Variants in BMP6 observed in about 807,000 individuals in gnomAD.
BMP6 encodes VG-1-R.
Under a neutral mutation model 54.1 loss-of-function variants are expected in BMP6, and 17 were observed. The ratio of observed to expected loss-of-function variants is 0.31; its 90% CI spans 0.22 to 0.47. The LOEUF (loss-of-function observed/expected upper bound fraction) is 0.47. Among genes scored for constraint, BMP6 ranks in the 20% least tolerant of loss-of-function variants. The pLI, the probability that BMP6 is intolerant of heterozygous loss-of-function variation, is 1.00. For synonymous variants in BMP6, 328 were observed against 291.2 expected, an observed-to-expected ratio of 1.13 and a Z score of -1.28; for missense variants, 720 against 690.4, an observed-to-expected ratio of 1.04 and a Z score of -0.48.
At chr6:7,866,245 A>G (rs1037858103) in intron 4 of BMP6, among the ~76,000 whole-genome samples, 1 of 152,180 alleles carries the variant, frequency 6.6e-6, no homozygotes, top group African/African-American at 2.4e-5. Context: ...TATTGTTTTT[A>G]CACATGTTTG....
At chr6:7,817,337 A>G (rs939153757) in intron 1 of BMP6, among the ~76,000 whole-genome samples, 1 of 152,200 alleles carries the variant, frequency 6.6e-6, no homozygotes, top group Admixed American at 6.5e-5. Context: ...TGATGTGATT[A>G]TATATTAAGG....
rs1759699344 is a variant in BMP6 at position 7,880,475 on chromosome 6, A to G, written c.*132A>G. On this transcript the variant is annotated 3_prime_UTR_variant, in exon 7 of 7. Coordinates refer to ENST00000283147, the MANE Select transcript of BMP6 (RefSeq NM_001718.6). ...AACTATCTCATGCCAGTGCCTTATT[A>G]CCCAGGAAGATTTTAAAGGACCTCA... 1 of 1,248,414 alleles carries G rather than the reference A, an allele frequency of 8.0e-7. No homozygotes were observed. The highest frequency in any genetic ancestry group is 1.1e-6 in the Non-Finnish European group (1 of 894,884). The allele number at this position is 1,248,414 out of a possible 1,614,324, so 77.3% of individuals were successfully genotyped here. A position where few individuals can be genotyped will look rare whatever the true frequency, so the allele number is the denominator to read the frequency against.
Position 7,880,832 on chromosome 6 carries a change from A to T in BMP6, c.*489A>T, listed in dbSNP as rs1268055791. On this transcript the variant is annotated 3_prime_UTR_variant, in exon 7 of 7. Coordinates refer to ENST00000283147, the MANE Select transcript of BMP6 (RefSeq NM_001718.6). The stretch of plus-strand genomic sequence containing the variant: ...GAACGCCTCTGTTCAGTTCATTCCC[A>T]GAAGTCCACAGGACGCACAGCCCAG... The T allele has an allele frequency of 6.0e-6, 1 of 166,132 alleles. No homozygotes were observed. Among genetic ancestry groups the T allele is most frequent in the Non-Finnish European group, 1.3e-5 (1 of 75,310 alleles). The allele number at this position is 166,132 out of a possible 1,614,324, so 10.3% of individuals were successfully genotyped here.
At chr6:7,771,820 A>T (rs270389) in intron 1 of BMP6, among the ~76,000 whole-genome samples, 1 of 151,748 alleles carries the variant, frequency 6.6e-6, no homozygotes, top group Non-Finnish European at 1.5e-5. Context: ...TGGGAGGCCG[A>T]GGCGGGTGGA....
intron 1 of BMP6, among the ~76,000 whole-genome samples, chr6:7,734,917 G>A (rs1196769635): frequency 6.6e-6 from 1 of 152,242 alleles, no homozygotes; most frequent in Non-Finnish European, 1.5e-5. Context: ...GAGCCTTCCT[G>A]ACTTTCAGAT....
intron 1 of BMP6, among the ~76,000 whole-genome samples, chr6:7,822,225 G>A (rs1456163769): frequency 1.3e-5 from 2 of 152,248 alleles, no homozygotes; most frequent in South Asian, 2.1e-4. Context: ...TCACCATGTC[G>A]GTCAGGCTGG....
At chr6:7,875,118 C>CTGAGTACTGGGGAGGGCTGCTGGTA (rs1759588312) in intron 4 of BMP6, among the ~76,000 whole-genome samples, 1 of 152,030 alleles carries the variant, frequency 6.6e-6, no homozygotes, top group Non-Finnish European at 1.5e-5. Context: ...AGTCAAAGCC[C>CTGAGTACTGGGGAGGGCTGCTGGTA]TGAGTACTGG....
chr6:7,879,404 A>G (rs1196588893), intron 5 of BMP6, among the ~76,000 whole-genome samples: 1 of 152,208 alleles, frequency 6.6e-6, no homozygotes, highest in Admixed American at 6.5e-5. Context: ...ATCAATAGCC[A>G]CATTTCCCAA....
chr6:7,822,866 A>ACC (rs1325953277), intron 1 of BMP6, among the ~76,000 whole-genome samples: 1 of 144,902 alleles, frequency 6.9e-6, no homozygotes, highest in African/African-American at 2.6e-5. Context: ...CCTCAGCAGG[A>ACC]CCCCCCATGC....
chr6:7,817,491 G>A (rs1417379847), intron 1 of BMP6, among the ~76,000 whole-genome samples: 7 of 147,458 alleles, frequency 4.7e-5, no homozygotes, highest in South Asian at 2.2e-4. Context: ...ACCAAACACC[G>A]CATGTTCTCA....
chr6:7,809,956 ATT>A (rs1758412230), intron 1 of BMP6, among the ~76,000 whole-genome samples: 1 of 152,214 alleles, frequency 6.6e-6, no homozygotes, highest in Non-Finnish European at 1.5e-5. Flanking sequence ...CCACTTATAT[ATT>A]TATTCACTGA....
chr6:7,822,102 C>T (rs1454585580), intron 1 of BMP6, among the ~76,000 whole-genome samples: 1 of 152,018 alleles, frequency 6.6e-6, no homozygotes, highest in African/African-American at 2.4e-5. Context: ...CTGACTGCAA[C>T]CTCCGCCTCC....
At chr6:7,784,248 A>G (rs775283923) in intron 1 of BMP6, among the ~76,000 whole-genome samples, 4 of 152,058 alleles carry the variant, frequency 2.6e-5, no homozygotes, top group Admixed American at 2.0e-4. Flanking sequence ...TTTACGTTTC[A>G]TCATTAAATT....
intron 1 of BMP6, among the ~76,000 whole-genome samples, chr6:7,758,550 A>AC (rs1258960613): frequency 1.3e-5 from 2 of 152,218 alleles, no homozygotes; most frequent in Non-Finnish European, 2.9e-5. Flanking sequence ...AACAAGATCA[A>AC]CAAAACCCCT....
chr6:7,814,280 C>T (rs73381662), intron 1 of BMP6, among the ~76,000 whole-genome samples: 18 of 152,332 alleles, frequency 1.2e-4, no homozygotes, highest in African/African-American at 4.3e-4. Flanking sequence ...CCTATTGCCA[C>T]GTAACTTAAT....
At chr6:7,818,511 C>T (rs1019889257) in intron 1 of BMP6, among the ~76,000 whole-genome samples, 8 of 152,226 alleles carry the variant, frequency 5.3e-5, no homozygotes, top group African/African-American at 1.9e-4. Flanking sequence ...ATATAAGTTG[C>T]ACATTGTCGA....
chr6:7,800,495 G>T (rs1181336454), intron 1 of BMP6, among the ~76,000 whole-genome samples: 2 of 152,000 alleles, frequency 1.3e-5, no homozygotes, highest in East Asian at 3.9e-4. Flanking sequence ...TCCTGAAAAA[G>T]CTCTTCTTCT....
At chr6:7,829,037 G>C (rs1347965789) in intron 1 of BMP6, among the ~76,000 whole-genome samples, 1 of 152,168 alleles carries the variant, frequency 6.6e-6, no homozygotes, top group Non-Finnish European at 1.5e-5. Context: ...CAGTAACCCG[G>C]GGAACCAAAG....
At chr6:7,765,019 TA>T (rs1757665378) in intron 1 of BMP6, among the ~76,000 whole-genome samples, 1 of 152,264 alleles carries the variant, frequency 6.6e-6, no homozygotes, top group South Asian at 2.1e-4. Context: ...TTTTTCTCGA[TA>T]GTGGGAGACT....
Sources: allele counts gnomAD v4.1 joint callset (sites outside exome capture counted in the v4.1 genomes callset), GRCh38; gene constraint gnomAD v4.1.1; transcripts MANE v1.5; gene names NCBI Gene and HGNC (gene_info 2026-07-23, HGNC 2026-07-21).